PHF21A: variants seen among roughly 807,000 people sequenced by gnomAD.
PHF21A encodes the protein PHD finger protein 21A, also known as BHC80a.
PHF21A carries 11 observed loss-of-function variants against 82.5 expected under a neutral mutation model. The ratio of observed to expected loss-of-function variants is 0.13; its 90% CI spans 0.08 to 0.22. The LOEUF (loss-of-function observed/expected upper bound fraction) is 0.22. Among genes scored for constraint, PHF21A ranks in the 10% least tolerant of loss-of-function variants. The pLI is 1.00. For synonymous variants in PHF21A, 297 were observed against 302.8 expected, an observed-to-expected ratio of 0.98 and a Z score of 0.20; for missense variants, 579 against 837.8, an observed-to-expected ratio of 0.69 and a Z score of 3.81.
At chr11:45,948,425 G>GCTA (rs1472747639) in intron 14 of PHF21A, among the ~76,000 whole-genome samples, 1 of 152,144 alleles carries the variant, frequency 6.6e-6, no homozygotes, top group Non-Finnish European at 1.5e-5. Context: ...CTCAAGTGTG[G>GCTA]CTACCTCTTT....
chr11:45,996,324 G>A (rs1339407636), intron 6 of PHF21A, among the ~76,000 whole-genome samples: 2 of 152,168 alleles, frequency 1.3e-5, no homozygotes, highest in African/African-American at 4.8e-5. Flanking sequence ...ACATTATAGA[G>A]TGATCTATAT....
intron 6 of PHF21A, among the ~76,000 whole-genome samples, chr11:45,981,697 A>C (rs1393367337): frequency 6.6e-6 from 1 of 152,138 alleles, no homozygotes; most frequent in Non-Finnish European, 1.5e-5. Flanking sequence ...AAGTGAATGA[A>C]GAGCTTTAAA....
chr11:45,971,905 T>TTTTTTTTTTTTTTTTTTTTTTA lies in PHF21A; in HGVS notation c.361-539_361-538insTAAAAAAAAAAAAAAAAAAAAA, dbSNP rs1452859819. Among the ~76,000 whole-genome samples the TTTTTTTTTTTTTTTTTTTTTTA allele has an allele frequency of 4.2e-3, 380 of 89,498 alleles. 54 individuals carry two copies. Among genetic ancestry groups the TTTTTTTTTTTTTTTTTTTTTTA allele is most frequent in the African/African-American group, 0.011 (263 of 23,894 alleles). The allele number at this position is 89,498 out of a possible 152,430, so 58.7% of individuals were successfully genotyped here. A position where few individuals can be genotyped will look rare whatever the true frequency, so the allele number is the denominator to read the frequency against. ...CTTTTTCTTTCTTTTTTTTTTTTTT[T>TTTTTTTTTTTTTTTTTTTTTTA]ATGGTGTCACCCTGGAGAGAAGGAA... On this transcript the variant is annotated intron_variant, in intron 7 of 18. Transcript: ENST00000676320.
chr11:46,037,252 GCCTTT>G (rs2096024809), intron 6 of PHF21A, among the ~76,000 whole-genome samples: 1 of 152,052 alleles, frequency 6.6e-6, no homozygotes, highest in Admixed American at 6.5e-5. Context: ...ATCTTTCTTT[GCCTTT>G]CCTAAGTATA....
In PHF21A at chr11:46,084,155, A is replaced by T; in HGVS notation, c.54+11T>A. 1 of 1,590,968 alleles carries T rather than the reference A, an allele frequency of 6.3e-7. No homozygotes were observed. The highest frequency in any genetic ancestry group is 8.6e-7 in the Non-Finnish European group (1 of 1,168,832). ...AACAACAGTGTGGGAGAAGCCAATA[A>T]TACAACTTACCTGGTGAACCTGAAT... is the stretch of plus-strand genomic sequence containing the variant. On this transcript the variant is annotated intron_variant, in intron 4 of 18. Transcript: ENST00000676320.
At chr11:45,999,709 C>T (rs1012692865) in intron 6 of PHF21A, among the ~76,000 whole-genome samples, 20 of 152,056 alleles carry the variant, frequency 1.3e-4, no homozygotes, top group African/African-American at 4.8e-4. Flanking sequence ...TTTGAAAGGA[C>T]CAAATATTAT....
chr11:46,107,124 A>G (rs966429002), intron 1 of PHF21A, among the ~76,000 whole-genome samples: 1 of 152,242 alleles, frequency 6.6e-6, no homozygotes, highest in African/African-American at 2.4e-5. Context: ...ATTACAACTT[A>G]TATTTTAAAA....
intron 10 of PHF21A, among the ~76,000 whole-genome samples, chr11:45,955,182 T>C (rs1484107722): frequency 6.6e-6 from 1 of 152,178 alleles, no homozygotes. Flanking sequence ...TTTGTGCCTA[T>C]TATGGTACTT....
intron 6 of PHF21A, among the ~76,000 whole-genome samples, chr11:45,992,581 C>G (rs776936399): frequency 1.3e-5 from 2 of 152,066 alleles, no homozygotes; most frequent in Non-Finnish European, 2.9e-5. Context: ...CAAGGTGAAC[C>G]AAAAATGATT....
chr11:45,995,318 C>A (rs2094866394), intron 6 of PHF21A, among the ~76,000 whole-genome samples: 2 of 152,062 alleles, frequency 1.3e-5, no homozygotes, highest in African/African-American at 2.4e-5. Flanking sequence ...AGAAGTGACA[C>A]AAAAGTGCAA....
At chr11:45,952,827 C>T (rs1233274265) in intron 11 of PHF21A, among the ~76,000 whole-genome samples, 1 of 152,194 alleles carries the variant, frequency 6.6e-6, no homozygotes, top group Non-Finnish European at 1.5e-5. Context: ...GTCAGATATT[C>T]ATCATCATAT....
chr11:46,085,046 G>A (rs533830338), intron 3 of PHF21A, among the ~76,000 whole-genome samples: 3 of 152,066 alleles, frequency 2.0e-5, no homozygotes, highest in African/African-American at 7.2e-5. Context: ...GGAGGTTAAC[G>A]AATGCCAGGG....
chr11:46,097,618 CCTCT>C lies in PHF21A; in HGVS notation c.-236-5399_-236-5396del, dbSNP rs986139589. 4.6e-5 allele frequency among the ~76,000 whole-genome samples: 7 copies of C among 151,962 alleles called. No homozygotes were observed. The South Asian group carries it at 6.2e-4, about 14-fold the overall frequency. ...TATAACAAGAATAATACCTTTTTAC[CCTCT>C]CTCTAACTATCCAAATCTCACCCAC... On this transcript the variant is annotated intron_variant, in intron 1 of 18. Transcript: ENST00000676320.
At chr11:45,997,218 AT>A (rs1172107280) in intron 6 of PHF21A, among the ~76,000 whole-genome samples, 1 of 152,040 alleles carries the variant, frequency 6.6e-6, no homozygotes, top group Non-Finnish European at 1.5e-5. Context: ...AAACAGAGGG[AT>A]TTTTTTCCAT....
intron 1 of PHF21A, among the ~76,000 whole-genome samples, chr11:46,112,354 C>T (rs2097224795): frequency 6.6e-6 from 1 of 152,256 alleles, no homozygotes; most frequent in Middle Eastern, 3.4e-3. Context: ...ATAACAGTAA[C>T]TACTACTACT....
chr11:46,097,410 C>A (rs1593183806), intron 1 of PHF21A, among the ~76,000 whole-genome samples: 2 of 152,296 alleles, frequency 1.3e-5, no homozygotes, highest in South Asian at 2.1e-4. Flanking sequence ...TACTTCAGAC[C>A]CTCCAGGCAA....
At chr11:46,029,022 T>C (rs888302942) in intron 6 of PHF21A, among the ~76,000 whole-genome samples, 15 of 152,248 alleles carry the variant, frequency 9.9e-5, no homozygotes, top group Non-Finnish European at 2.2e-4. Flanking sequence ...AAGTCTAATA[T>C]TGATGCAATC....
At chr11:45,996,592 A>G (rs1449028524) in intron 6 of PHF21A, among the ~76,000 whole-genome samples, 1 of 152,226 alleles carries the variant, frequency 6.6e-6, no homozygotes, top group Non-Finnish European at 1.5e-5. Flanking sequence ...GCTACTCTCC[A>G]TATGCACAAA....
At chr11:45,976,030 C>T (rs2094005621) in intron 7 of PHF21A, among the ~76,000 whole-genome samples, 1 of 152,124 alleles carries the variant, frequency 6.6e-6, no homozygotes, top group Non-Finnish European at 1.5e-5. Flanking sequence ...TTAGACTTCC[C>T]TATGACTGTT....
Sources: gnomAD v4.1 joint callset for allele counts (sites outside exome capture counted in the v4.1 genomes callset) on GRCh38, gnomAD v4.1.1 for gene constraint, MANE v1.5 for transcripts, NCBI Gene and HGNC (gene_info 2026-07-23, HGNC 2026-07-21) for gene names.